The following DENND4A variants were observed in gnomAD, a reference collection of about 807,000 sequenced individuals.
The protein encoded by DENND4A is DENN domain containing 4A, also known as C-myc promoter-binding protein.
A neutral mutation model predicts 199.3 loss-of-function variants in DENND4A; 70 were observed. That is an observed-to-expected ratio of 0.35 (90% CI 0.29 to 0.43). The LOEUF is 0.43. DENND4A is among the 20% of genes least tolerant of loss of function. The pLI, the probability that DENND4A is intolerant of heterozygous loss-of-function variation, is 1.00. For synonymous variants in DENND4A, 686 were observed against 766.9 expected (o/e 0.89, Z 1.74); for missense variants, 1,723 against 2,255.8 (o/e 0.76, Z 4.78).
At chr15:65,781,238 A>G (rs1381124883) in intron 1 of DENND4A, among the ~76,000 whole-genome samples, 3 of 152,214 alleles carry the variant, frequency 2.0e-5, no homozygotes, top group African/African-American at 7.2e-5. Context: ...AGAAATTACT[A>G]GAGTTAAGAT....
rs2076908794 is a variant in DENND4A at position 65,689,721 on chromosome 15, T to C, written c.4179+694A>G. On this transcript the variant is annotated intron_variant, in intron 23 of 32. Coordinates refer to ENST00000443035, the MANE Select transcript of DENND4A (RefSeq NM_001320835.1). ...ACCCTTCTCATGCAGTATCAAGTAT[T>C]TGGAAAATGTCTTGAAGGAAGAAAA... 2.6e-5 allele frequency among the ~76,000 whole-genome samples: 4 copies of C among 152,182 alleles called. No homozygotes were observed. The South Asian group carries it at 8.3e-4, about 31-fold the overall frequency.
rs2076945911 is a variant in DENND4A at position 65,690,821 on chromosome 15, T to C, written c.3773A>G (p.Asn1258Ser). The C allele has an allele frequency of 6.2e-7, 1 of 1,613,374 alleles. No homozygotes were observed. Among genetic ancestry groups the C allele is most frequent in the Non-Finnish European group, 8.5e-7 (1 of 1,179,710 alleles). ...ACGACTTGTCAAAGGACTGCTCATG[T>C]TATTCATATACATCACAATTTCTTC... ...LAEEIVMYMN[N>S]MSSPLTSRTP... Residue 1258 changes from asparagine (N) to serine (S), a missense_variant, in exon 23 of 33, where the codon AAC (asparagine) becomes AGC (serine). Coordinates refer to ENST00000443035, the MANE Select transcript of DENND4A (RefSeq NM_001320835.1).
intron 1 of DENND4A, among the ~76,000 whole-genome samples, chr15:65,779,638 C>A (rs1042532947): frequency 6.6e-6 from 1 of 150,806 alleles, no homozygotes; most frequent in Non-Finnish European, 1.5e-5. Context: ...CCATGCCTGG[C>A]TAGCTAGGTG....
rs2075553716 is a variant in DENND4A at position 65,719,834 on chromosome 15, G to A, written c.1589-1838C>T. On this transcript the variant is annotated intron_variant, in intron 12 of 32. Transcript: ENST00000443035. ...CACTTGAGCCTGGGAGCTTGTGGCT[G>A]CCATAAACCGTGATCGCGCCACTGC... is the stretch of plus-strand genomic sequence containing the variant. 3.3e-5 allele frequency among the ~76,000 whole-genome samples: 5 copies of A among 152,114 alleles called. No individual in the cohort carries two copies. In the South Asian group the frequency reaches 1.0e-3, roughly 32 times the overall value.
At chr15:65,685,362 G>T (rs1334810388) in intron 23 of DENND4A, among the ~76,000 whole-genome samples, 1 of 152,160 alleles carries the variant, frequency 6.6e-6, no homozygotes, top group African/African-American at 2.4e-5. Flanking sequence ...TCCTGACCTC[G>T]TGATTCGCCT....
chr15:65,782,810 C>G (rs2077467503), intron 1 of DENND4A, among the ~76,000 whole-genome samples: 1 of 152,110 alleles, frequency 6.6e-6, no homozygotes, highest in African/African-American at 2.4e-5. Flanking sequence ...TTGCAGTAAT[C>G]TTAATGCTCT....
At chr15:65,747,799 T>C (rs772451976) in intron 4 of DENND4A, among the ~76,000 whole-genome samples, 1 of 151,930 alleles carries the variant, frequency 6.6e-6, no homozygotes, top group African/African-American at 2.4e-5. Context: ...TCCCAGCACT[T>C]TGGGAGGCTC....
chr15:65,763,679 C>CAAAAAAAAAAAAA (rs11357605), intron 1 of DENND4A, among the ~76,000 whole-genome samples: 1 of 87,576 alleles, frequency 1.1e-5, no homozygotes, highest in Non-Finnish European at 2.2e-5. Flanking sequence ...GACCTTGTCT[C>CAAAAAAAAAAAAA]AAAAAAAAAA....
Position 65,729,568 on chromosome 15 carries a change from G to T in DENND4A, c.1277C>A (p.Ser426Tyr). 1.2e-6 allele frequency: 2 copies of T among 1,607,996 alleles called. No homozygotes were observed. The highest frequency in any genetic ancestry group is 1.7e-6 in the Non-Finnish European group (2 of 1,176,950). Residue 426 changes from serine to tyrosine, a missense_variant, in exon 10 of 33, where the codon TCC becomes TAC. By Grantham distance (144) the Ser-to-Tyr change is moderately radical. Around this residue, in one of 6 missense-constraint regions of DENND4A, gnomAD observed 725 missense variants for 952.9 expected, o/e 0.76. Transcript: ENST00000443035. The part of the protein sequence containing the change: ...HKILIHSLRP[S>Y]VLTSVTEALV... ...TGCTTCTGTCACACTAGTAAGCACG[G>T]ATGGCCGTAGGGAATGGATAAGAAT...
intron 13 of DENND4A, among the ~76,000 whole-genome samples, chr15:65,716,673 C>G (rs972087719): frequency 6.6e-6 from 1 of 151,746 alleles, no homozygotes; most frequent in Non-Finnish European, 1.5e-5. Context: ...GGTTCCAAGT[C>G]TTTGTTATTG....
chr15:65,696,309 C>G (rs2077142036), intron 22 of DENND4A, 57 bp downstream of exon 22: 1 of 1,553,502 alleles, frequency 6.4e-7, no homozygotes. Flanking sequence ...TAAGTATTCA[C>G]TAGTCATACA....
At chr15:65,744,816 ATTGTAC>A (rs1247224228) in intron 4 of DENND4A, among the ~76,000 whole-genome samples, 2 of 152,214 alleles carry the variant, frequency 1.3e-5, no homozygotes, top group African/African-American at 4.8e-5. Context: ...TTAAATAAGA[ATTGTAC>A]TTGAGTCATT....
At chr15:65,785,242 A>G (rs1254217633) in intron 1 of DENND4A, among the ~76,000 whole-genome samples, 1 of 151,734 alleles carries the variant, frequency 6.6e-6, no homozygotes, top group African/African-American at 2.4e-5. Flanking sequence ...GCTCACGATT[A>G]TAATTCCAGC....
At chr15:65,730,783 G>A (rs2075934699) in intron 9 of DENND4A, among the ~76,000 whole-genome samples, 2 of 152,120 alleles carry the variant, frequency 1.3e-5, no homozygotes, top group South Asian at 2.1e-4. Context: ...TCTTTTTAGG[G>A]TGACGAAAAT....
At chr15:65,783,608 T>C (rs972970728) in intron 1 of DENND4A, among the ~76,000 whole-genome samples, 2 of 152,128 alleles carry the variant, frequency 1.3e-5, no homozygotes, top group Non-Finnish European at 2.9e-5. Context: ...AAATGGCTGA[T>C]TCTAGGGCTG....
At chr15:65,716,517 C>T (rs2075408161) in intron 13 of DENND4A, among the ~76,000 whole-genome samples, 1 of 151,092 alleles carries the variant, frequency 6.6e-6, no homozygotes, top group Admixed American at 6.6e-5. Context: ...GTCCTTGCAA[C>T]AGTTTACTGA....
intron 24 of DENND4A, among the ~76,000 whole-genome samples, chr15:65,675,146 A>G (rs2076335522): frequency 6.6e-6 from 1 of 152,230 alleles, no homozygotes; most frequent in Non-Finnish European, 1.5e-5. Flanking sequence ...GGTAAAATCC[A>G]TATTTGTATG....
At chr15:65,747,954 C>T (rs2076447728) in intron 4 of DENND4A, among the ~76,000 whole-genome samples, 1 of 142,074 alleles carries the variant, frequency 7.0e-6, no homozygotes, top group South Asian at 2.2e-4. Context: ...GCAGGAGAAT[C>T]ACTTGAACCC....
chr15:65,746,963 G>A lies in DENND4A; in HGVS notation c.562-5179C>T, dbSNP rs538935743. ...AAAAAAAAAAATACAAAAAATGGCCGGGCGTGGTGGCGCATGCCTGTAATC... is the reference window on the plus strand; with the variant it reads ...AAAAAAAAAAATACAAAAAATGGCCAGGCGTGGTGGCGCATGCCTGTAATC... On this transcript the variant is annotated intron_variant, in intron 4 of 32. Transcript: ENST00000443035. Among the ~76,000 whole-genome samples the A allele has an allele frequency of 5.0e-4, 75 of 151,224 alleles. No individual in the cohort carries two copies. In the South Asian group the frequency reaches 0.015, roughly 30 times the overall value.
Sources: allele counts gnomAD v4.1 joint callset (sites outside exome capture counted in the v4.1 genomes callset), GRCh38; gene constraint gnomAD v4.1.1; regional missense constraint gnomAD v4.1.1; transcripts MANE v1.5; gene names NCBI Gene and HGNC (gene_info 2026-07-23, HGNC 2026-07-21).